The following FAM120C variants were observed in gnomAD, a reference collection of about 807,000 sequenced individuals.
FAM120C encodes constitutive coactivator of PPAR-gamma-like protein 2.
FAM120C carries 14 observed loss-of-function variants against 71.2 expected under a neutral mutation model. The ratio of observed to expected loss-of-function variants is 0.20; its 90% CI spans 0.13 to 0.31. The LOEUF (loss-of-function observed/expected upper bound fraction) is 0.31, where lower values mean the gene tolerates loss of function less well. FAM120C is among the 10% of genes least tolerant of loss of function. The pLI is 1.00. For missense variants in FAM120C, 500 were observed against 879.0 expected, an observed-to-expected ratio of 0.57 and a Z score of 5.45; for synonymous variants, 354 against 353.2, an observed-to-expected ratio of 1.00 and a Z score of -0.03.
rs782369706 is a variant in FAM120C at position 54,073,210 on chromosome X, G to A, written c.3114C>T (p.Gly1038=). 1.6e-5 allele frequency: 19 copies of A among 1,208,418 alleles called. No individual in the cohort carries two copies. Among genetic ancestry groups the A allele is most frequent in the East Asian group, 8.9e-5 (3 of 33,697 alleles). ...CACTCTTCTCTTCCTTGATCAATGCGCCACTGTTTCCATTTACCTGGGAGC... is the reference window on the plus strand; with the variant it reads ...CACTCTTCTCTTCCTTGATCAATGCACCACTGTTTCCATTTACCTGGGAGC... ...RSRSQVNGNS[G]ALIKEEKSDH... The change falls in exon 16 of 16, where the codon GGC becomes GGT. Residue 1038 remains glycine (G), a synonymous_variant. Coordinates refer to ENST00000375180, the MANE Select transcript of FAM120C (RefSeq NM_017848.6).
intron 1 of FAM120C, 113 bp from the exon 2 acceptor site, chrX:54,159,729 G>C: frequency 1.4e-6 from 1 of 696,300 alleles, no homozygotes; most frequent in East Asian, 3.6e-5. Context: ...AATTGTACGT[G>C]AGAGAACAGA....
intron 1 of FAM120C, among the ~76,000 whole-genome samples, chrX:54,160,975 G>T (rs1187630862): frequency 8.9e-6 from 1 of 111,819 alleles, no homozygotes; most frequent in Non-Finnish European, 1.9e-5. Flanking sequence ...TTATGGAAAA[G>T]GAGTCTAGTT....
chrX:54,111,009 G>T (rs781840894), intron 10 of FAM120C, among the ~76,000 whole-genome samples: 1 of 108,794 alleles, frequency 9.2e-6, no homozygotes, highest in Non-Finnish European at 1.9e-5. Flanking sequence ...GCAGTGAGCC[G>T]AGATCAAGCC....
intron 9 of FAM120C, among the ~76,000 whole-genome samples, chrX:54,129,318 G>T (rs1208320747): frequency 6.4e-5 from 7 of 108,641 alleles, no homozygotes; most frequent in African/African-American, 2.3e-4. Flanking sequence ...CGGCCGGGCA[G>T]AGACGCTCCT....
At position 54,145,744 on chromosome X, in the gene FAM120C, T is replaced by G. The variant is rs2067151662; in HGVS notation, c.1158+5501A>C. 3.6e-5 allele frequency among the ~76,000 whole-genome samples: 4 copies of G among 112,086 alleles called. No individual in the cohort carries two copies. In the South Asian group the frequency reaches 1.5e-3, roughly 42 times the overall value. ...CTAGTTCAACCATTGTGGAAGACAGTGTGGTGATTCCTCAGGGACCTAGAA... is the reference window on the plus strand; with the variant it reads ...CTAGTTCAACCATTGTGGAAGACAGGGTGGTGATTCCTCAGGGACCTAGAA... On this transcript the variant is annotated intron_variant, in intron 4 of 15. Coordinates refer to ENST00000375180, the MANE Select transcript of FAM120C (RefSeq NM_017848.6).
At chrX:54,149,637 C>T (rs1325454648) in intron 4 of FAM120C, among the ~76,000 whole-genome samples, 1 of 5,101 alleles carries the variant, frequency 2.0e-4, no homozygotes, top group Non-Finnish European at 4.0e-4. Context: ...GAGGCATTGT[C>T]TCAAAAAAAA....
At chrX:54,087,065 A>G (rs1415042044) in intron 12 of FAM120C, among the ~76,000 whole-genome samples, 2 of 110,405 alleles carry the variant, frequency 1.8e-5, no homozygotes, top group African/African-American at 6.6e-5. Context: ...ATTAAAAAAA[A>G]TCCCTTTGGG....
intron 7 of FAM120C, 54 bp from the exon 8 acceptor site, chrX:54,134,100 T>C: frequency 1.8e-6 from 2 of 1,138,658 alleles, no homozygotes; most frequent in Non-Finnish European, 2.4e-6. Context: ...GATAAAGATA[T>C]TCCTACTTAA....
intron 1 of FAM120C, among the ~76,000 whole-genome samples, chrX:54,176,114 T>G (rs1486213436): frequency 8.9e-6 from 1 of 111,851 alleles, no homozygotes; most frequent in African/African-American, 3.2e-5. Context: ...CCTGTTTTTT[T>G]GTTTTTTGGT....
intron 1 of FAM120C, among the ~76,000 whole-genome samples, chrX:54,168,297 T>C (rs2067270644): frequency 9.0e-6 from 1 of 111,166 alleles, no homozygotes; most frequent in African/African-American, 3.3e-5. Flanking sequence ...CCGCCATGCC[T>C]GGTTAATTTT....
chrX:54,157,399 C>T (rs1253517836), intron 3 of FAM120C, among the ~76,000 whole-genome samples: 4 of 109,993 alleles, frequency 3.6e-5, no homozygotes, highest in South Asian at 3.9e-4. Context: ...GGGTTATAGG[C>T]GCCTGCCACT....
intron 4 of FAM120C, among the ~76,000 whole-genome samples, chrX:54,145,137 C>A (rs1454427447): frequency 2.7e-5 from 3 of 112,053 alleles, no homozygotes; most frequent in Non-Finnish European, 3.8e-5. Flanking sequence ...AACTGGATCC[C>A]TTCCTTACGC....
chrX:54,177,072 T>G (rs2067322604), intron 1 of FAM120C, among the ~76,000 whole-genome samples: 1 of 111,017 alleles, frequency 9.0e-6, no homozygotes, highest in Admixed American at 9.7e-5. Context: ...GAGGACACGG[T>G]ATGTCTAGGA....
chrX:54,145,985 G>T (rs1174439371), intron 4 of FAM120C, among the ~76,000 whole-genome samples: 2 of 111,843 alleles, frequency 1.8e-5, no homozygotes, highest in African/African-American at 6.5e-5. Context: ...CCATAAAAAA[G>T]GATGAGTTCA....
At chrX:54,081,549 A>C in intron 13 of FAM120C, 89 bp from the exon 14 acceptor site, 1 of 1,015,200 alleles carries the variant, frequency 9.9e-7, no homozygotes, top group East Asian at 3.2e-5. Flanking sequence ...AGTCGGGCGG[A>C]TTACTTGAAG....
chrX:54,124,597 C>T (rs1437332037), intron 9 of FAM120C, among the ~76,000 whole-genome samples: 4 of 95,984 alleles, frequency 4.2e-5, no homozygotes, highest in Non-Finnish European at 8.4e-5. Context: ...TGCGCACACA[C>T]ACTGGCCTGC....
At position 54,099,992 on chromosome X, in the gene FAM120C, T is replaced by C. The variant is rs782125179; in HGVS notation, c.2313-8566A>G. ...AGAATGCCTGACAGTGGGTTATATA[T>C]AAAGAAAATGAATTTATCTCAAAAG... On this transcript the variant is annotated intron_variant, in intron 10 of 15. Transcript: ENST00000375180. Among the ~76,000 whole-genome samples the C allele has an allele frequency of 1.4e-3, 159 of 112,196 alleles. 2 individuals carry two copies. Among genetic ancestry groups the C allele is most frequent in the African/African-American group, 4.9e-3 (152 of 30,973 alleles).
chrX:54,078,306 C>T (rs782657827), intron 15 of FAM120C, among the ~76,000 whole-genome samples: 18 of 110,687 alleles, frequency 1.6e-4, no homozygotes, highest in African/African-American at 5.6e-4. Context: ...ATGACCAGAC[C>T]CTGAATCGCG....
chrX:54,159,916 C>T (rs1366732173), intron 1 of FAM120C, among the ~76,000 whole-genome samples: 2 of 109,344 alleles, frequency 1.8e-5, no homozygotes, highest in Admixed American at 2.0e-4. Flanking sequence ...ACAGAATACT[C>T]TTAAAAAACA....
Sources: gnomAD v4.1 joint callset for allele counts (sites outside exome capture counted in the v4.1 genomes callset) on GRCh38, gnomAD v4.1.1 for gene constraint, MANE v1.5 for transcripts, NCBI Gene and HGNC (gene_info 2026-07-23, HGNC 2026-07-21) for gene names.